The following PCAT7 variants were observed in gnomAD, a reference collection of about 807,000 sequenced individuals.
The protein encoded by PCAT7 is prostate cancer associated transcript 7 (non-protein coding).
rs185834430 is a variant in PCAT7, at chr9:94,563,411, G to A, written n.441+4259G>A. The A allele has an allele frequency of 5.1e-5, 83 of 1,614,032 alleles. No individual in the cohort carries two copies. The East Asian group carries it at 1.3e-3, about 25-fold the overall frequency. ...CTCCATAGACCAGGGTGCGGTGCAC[G>A]TCAGCCACCATGGAGCCCACATACC... On this transcript the variant is annotated intron_variant and non_coding_transcript_variant, in intron 2 of 8. Transcript: ENST00000647389.
At chr9:94,561,350 G>GTTT (rs1463916724) in intron 2 of PCAT7, among the ~76,000 whole-genome samples, 9 of 59,786 alleles carry the variant, frequency 1.5e-4, no homozygotes, top group Admixed American at 2.4e-4. Context: ...CATGTGACCT[G>GTTT]TATTTTTTTT....
chr9:94,556,287 A>C (rs1360329262), intron 1 of PCAT7, among the ~76,000 whole-genome samples: 1 of 148,098 alleles, frequency 6.8e-6, no homozygotes, highest in African/African-American at 2.5e-5. Flanking sequence ...GCCAGGGAGA[A>C]GGGGGAAAAT....
At chr9:94,568,111 G>C (rs1358353756) in intron 2 of PCAT7, 3 of 127,854 alleles carry the variant, frequency 2.3e-5, no homozygotes. Context: ...CTGGATGACA[G>C]AGCAAGACTC....
intron 2 of PCAT7, among the ~76,000 whole-genome samples, chr9:94,562,309 CAA>C (rs397893359): frequency 0.012 from 864 of 72,106 alleles, 3 homozygotes; most frequent in Non-Finnish European, 0.015. Flanking sequence ...GACTCCATCT[CAA>C]AAAAAAAAAA....
chr9:94,561,168 C>T (rs1224987185), intron 2 of PCAT7, among the ~76,000 whole-genome samples: 4 of 152,022 alleles, frequency 2.6e-5, no homozygotes, highest in Non-Finnish European at 5.9e-5. Flanking sequence ...AGATTGTAAT[C>T]AATTATCCTG....
At chr9:94,571,627 ATG>A in intron 2 of PCAT7, 1 of 1,599,418 alleles carries the variant, frequency 6.3e-7, no homozygotes, top group Non-Finnish European at 8.5e-7. Flanking sequence ...GATAAATGCC[ATG>A]TGTTATTGTT....
chr9:94,559,069 T>G (rs781654714), exon 2 of PCAT7: 15 of 1,613,896 alleles, frequency 9.3e-6, no homozygotes, highest in Non-Finnish European at 1.3e-5. Context: ...GTCCCCGTGG[T>G]CGCCAAGCCT....
intron 3 of PCAT7, among the ~76,000 whole-genome samples, chr9:94,573,982 G>A (rs1827293562): frequency 6.6e-6 from 1 of 152,162 alleles, no homozygotes; most frequent in Admixed American, 6.5e-5. Flanking sequence ...ATTGAGCCCT[G>A]TAGATAGCCA....
intron 2 of PCAT7, chr9:94,571,666 G>T: frequency 2.1e-6 from 3 of 1,457,554 alleles, no homozygotes; most frequent in Non-Finnish European, 2.8e-6. Context: ...CTTTGCCAGG[G>T]GCCTGGGCTT....
At chr9:94,571,419 C>T in intron 2 of PCAT7, 1 of 1,544,900 alleles carries the variant, frequency 6.5e-7, no homozygotes, top group Non-Finnish European at 8.8e-7. Flanking sequence ...CACAGAGGCC[C>T]ATGGAGTCCC....
chr9:94,564,029 C>A (rs57542536), intron 2 of PCAT7, among the ~76,000 whole-genome samples: 13,445 of 152,184 alleles, frequency 0.088, 1,161 homozygotes, highest in African/African-American at 0.21. Context: ...GACACCCCCC[C>A]ACAATAATAG....
At chr9:94,554,946 A>G (rs953611832), upstream of PCAT7, 1 of 152,208 alleles carries the variant, frequency 6.6e-6, no homozygotes, top group African/African-American at 2.4e-5. Flanking sequence ...CCTGGACTAC[A>G]TGTTCTGATT....
intron 2 of PCAT7, among the ~76,000 whole-genome samples, chr9:94,572,146 C>T (rs952430697): frequency 3.9e-5 from 6 of 152,178 alleles, no homozygotes; most frequent in Non-Finnish European, 8.8e-5. Context: ...CTCCTTCTCA[C>T]TTGCCTCTCT....
intron 2 of PCAT7, among the ~76,000 whole-genome samples, chr9:94,566,287 T>C (rs1392852185): frequency 2.0e-5 from 3 of 152,252 alleles, no homozygotes; most frequent in Non-Finnish European, 4.4e-5. Flanking sequence ...ATGGTCTTAA[T>C]GCCCACGCTG....
At chr9:94,562,086 C>T (rs938698961) in intron 2 of PCAT7, among the ~76,000 whole-genome samples, 11 of 151,956 alleles carry the variant, frequency 7.2e-5, no homozygotes, top group South Asian at 2.1e-4. Flanking sequence ...CCAAGGCGGG[C>T]GGATCACGAG....
intron 2 of PCAT7, among the ~76,000 whole-genome samples, chr9:94,566,711 A>C (rs1827194867): frequency 1.3e-5 from 2 of 152,220 alleles, no homozygotes; most frequent in Non-Finnish European, 2.9e-5. Context: ...TTCTTCAGCA[A>C]ATAACATTAA....
At chr9:94,573,188 T>G (rs1168264849) in intron 3 of PCAT7, 3 of 152,204 alleles carry the variant, frequency 2.0e-5, no homozygotes. Flanking sequence ...CTTTCACCAT[T>G]AAATGTAATG....
At chr9:94,569,289 C>T (rs1226656456) in intron 2 of PCAT7, 1 of 152,268 alleles carries the variant, frequency 6.6e-6, no homozygotes, top group African/African-American at 2.4e-5. Flanking sequence ...GTTGCGAGAC[C>T]ACTGCCGTGC....
intron 2 of PCAT7, among the ~76,000 whole-genome samples, chr9:94,564,332 A>G (rs917462165): frequency 1.3e-5 from 2 of 152,248 alleles, no homozygotes; most frequent in African/African-American, 4.8e-5. Flanking sequence ...AGGAATAGAA[A>G]TCATTCTATT....
Sources: gnomAD v4.1 joint callset for allele counts (sites outside exome capture counted in the v4.1 genomes callset) on GRCh38, gnomAD v4.1.1 for gene constraint, MANE v1.5 for transcripts, NCBI Gene and HGNC (gene_info 2026-07-23, HGNC 2026-07-21) for gene names.